Variants in CNTN1 observed in about 807,000 individuals in gnomAD.
CNTN1 encodes the protein contactin 1, also known as contactin-1.
CNTN1 carries 38 observed loss-of-function variants against 126.4 expected under a neutral mutation model. The ratio of observed to expected loss-of-function variants is 0.30; its 90% CI spans 0.23 to 0.39. CNTN1 has a LOEUF of 0.39. Ranked by LOEUF, CNTN1 falls within the 10% of genes least tolerant of loss-of-function variation. CNTN1 has a pLI of 1.00. For missense variants in CNTN1, 1,009 were observed against 1,248.4 expected (o/e 0.81, Z 2.89); for synonymous variants, 413 against 422.6 (o/e 0.98, Z 0.28).
intron 1 of CNTN1, among the ~76,000 whole-genome samples, chr12:40,712,968 G>A (rs980952250): frequency 6.6e-5 from 10 of 151,858 alleles, no homozygotes; most frequent in African/African-American, 2.4e-4. Context: ...ATGAGAGCTG[G>A]TTGTTAAAAA....
chr12:40,993,245 A>G lies in CNTN1; in HGVS notation c.2089A>G (p.Asn697Asp). 1 of 1,613,814 alleles carries G rather than the reference A, an allele frequency of 6.2e-7. No homozygotes were observed. The highest frequency in any genetic ancestry group is 2.2e-5 in the East Asian group (1 of 44,850). ...TAGAGGAGAGCCCAGTATACCATCT[A>G]ACAGAATTAAAACAGACGGTGCTGG... is the stretch of plus-strand genomic sequence containing the variant. The part of the protein sequence containing the change: ...LGRGEPSIPS[N>D]RIKTDGAAPN... Residue 697 changes from asparagine to aspartate, a missense_variant, in exon 17 of 24, where the codon AAC becomes GAC. Physicochemically the swap from Asn to Asp is conservative, Grantham distance 23. Coordinates refer to ENST00000551295, the MANE Select transcript of CNTN1 (RefSeq NM_001843.4).
chr12:41,010,147 A>T (rs1161298131), intron 17 of CNTN1, among the ~76,000 whole-genome samples: 6 of 152,030 alleles, frequency 3.9e-5, no homozygotes, highest in Non-Finnish European at 5.9e-5. Flanking sequence ...TCACAAGGAG[A>T]TCTACCTTCC....
rs548618390 is a variant in CNTN1, at chr12:40,911,115, C to G, written c.94+1010C>G. ...TTTATTTTTGAGATGGAGTCTCGCT[C>G]TGTCACCCAGGCTGGAGTGCAGCGG... On this transcript the variant is annotated intron_variant, in intron 3 of 23. Coordinates refer to ENST00000551295, the MANE Select transcript of CNTN1 (RefSeq NM_001843.4). Among the ~76,000 whole-genome samples, 51 of 152,274 alleles carry G rather than the reference C, an allele frequency of 3.3e-4. 1 individual carries two copies. Among genetic ancestry groups the G allele is most frequent in the African/African-American group, 1.2e-3 (48 of 41,562 alleles).
chr12:41,037,938 A>G (rs1003712942), intron 23 of CNTN1, among the ~76,000 whole-genome samples: 8 of 152,134 alleles, frequency 5.3e-5, no homozygotes, highest in African/African-American at 1.9e-4. Flanking sequence ...TGGGTGGATA[A>G]CTTGAGGCCA....
chr12:41,013,695 A>G (rs1397318194), intron 17 of CNTN1, among the ~76,000 whole-genome samples: 4 of 152,216 alleles, frequency 2.6e-5, no homozygotes, highest in African/African-American at 7.2e-5. Context: ...ACAAGATGAT[A>G]TAAGAGAACG....
At chr12:40,924,754 T>C in intron 6 of CNTN1, 102 bp downstream of exon 6, 1 of 712,522 alleles carries the variant, frequency 1.4e-6, no homozygotes, top group Non-Finnish European at 2.6e-6. Context: ...CATGGCTTAT[T>C]ATTAATTAAA....
intron 16 of CNTN1, among the ~76,000 whole-genome samples, chr12:40,992,215 G>A (rs1466741254): frequency 6.6e-6 from 1 of 152,170 alleles, no homozygotes; most frequent in Non-Finnish European, 1.5e-5. Context: ...GACAGTCTGA[G>A]CCATGCGAGA....
At chr12:40,900,890 G>C (rs976615310) in intron 1 of CNTN1, among the ~76,000 whole-genome samples, 1 of 152,146 alleles carries the variant, frequency 6.6e-6, no homozygotes, top group Admixed American at 6.5e-5. Flanking sequence ...AGTAGGAGTT[G>C]CAAAGGATGA....
intron 16 of CNTN1, among the ~76,000 whole-genome samples, chr12:40,992,111 A>G (rs1458147038): frequency 6.6e-6 from 1 of 152,224 alleles, no homozygotes; most frequent in Admixed American, 6.5e-5. Flanking sequence ...TCAAAAATAT[A>G]TGTCAAATCT....
In CNTN1 at chr12:40,910,023, A is replaced by C. The variant is rs2304819; in HGVS notation, c.62-50A>C. ...CTATTTAAGTAATGTTTGAAACCAC[A>C]ATTCAAATAATTGCTTCAGGATCAA... On this transcript the variant is annotated intron_variant, in intron 2 of 23. Transcript: ENST00000551295. The C allele has an allele frequency of 0.29, 392,444 of 1,376,668 alleles. 58,353 individuals are homozygous for C. The highest frequency in any genetic ancestry group is 0.32 in the South Asian group (27,603 of 86,106). 85.3% of individuals were successfully genotyped at this position (1,376,668 alleles called of 1,614,324 possible).
chr12:40,821,915 C>CT (rs142090013), intron 1 of CNTN1, among the ~76,000 whole-genome samples: 1,981 of 151,622 alleles, frequency 0.013, 42 homozygotes, highest in African/African-American at 0.045. Flanking sequence ...ATTTTCCTCA[C>CT]TTTTAAAATA....
At chr12:40,807,653 T>G (rs1940910258) in intron 1 of CNTN1, among the ~76,000 whole-genome samples, 2 of 152,176 alleles carry the variant, frequency 1.3e-5, no homozygotes, top group Admixed American at 1.3e-4. Flanking sequence ...TCTCAGAGCC[T>G]GTCAGAACCT....
chr12:40,892,898 T>A (rs1461099847), intron 1 of CNTN1, among the ~76,000 whole-genome samples: 1 of 139,640 alleles, frequency 7.2e-6, no homozygotes, highest in Non-Finnish European at 1.5e-5. Context: ...TACAAATTCT[T>A]CCCCGAAATT....
At chr12:40,934,210 A>G (rs991562287) in intron 9 of CNTN1, among the ~76,000 whole-genome samples, 2 of 151,954 alleles carry the variant, frequency 1.3e-5, no homozygotes, top group Non-Finnish European at 2.9e-5. Context: ...AGAAGAAGCT[A>G]TGTGTTATGA....
rs930259542 is a variant in CNTN1 at position 40,903,510 on chromosome 12, G to A, written c.-76-4847G>A. Among the ~76,000 whole-genome samples the A allele has an allele frequency of 3.3e-5, 5 of 151,522 alleles. No individual in the cohort carries two copies. The East Asian group carries it at 9.7e-4, about 29-fold the overall frequency. ...CCTCAAGAGAGAAGTAGTAGGGGCA[G>A]TTTCTTCCACATTAGTAGGATGGGC... On this transcript the variant is annotated intron_variant, in intron 1 of 23. Transcript: ENST00000551295.
At chr12:40,812,090 T>C (rs1019079788) in intron 1 of CNTN1, among the ~76,000 whole-genome samples, 7 of 152,058 alleles carry the variant, frequency 4.6e-5, no homozygotes, top group African/African-American at 1.7e-4. Flanking sequence ...TATGTTGTGT[T>C]TTCATTTTTG....
At chr12:40,991,260 GT>G (rs1477695271) in intron 16 of CNTN1, among the ~76,000 whole-genome samples, 1 of 151,802 alleles carries the variant, frequency 6.6e-6, no homozygotes, top group Non-Finnish European at 1.5e-5. Flanking sequence ...GCTCTTCTAG[GT>G]GTGACTCTTC....
intron 1 of CNTN1, among the ~76,000 whole-genome samples, chr12:40,890,143 G>A (rs1421116922): frequency 4.6e-5 from 7 of 152,078 alleles, no homozygotes; most frequent in Non-Finnish European, 1.0e-4. Context: ...CCTTTCCTGT[G>A]ACTCCCCACT....
At chr12:40,971,654 T>C (rs1947516437) in intron 15 of CNTN1, 3 of 1,463,860 alleles carry the variant, frequency 2.0e-6, no homozygotes, top group Admixed American at 5.8e-5. Flanking sequence ...TTTTGAAACA[T>C]GTAAACATAC....
Sources: allele counts gnomAD v4.1 joint callset (sites outside exome capture counted in the v4.1 genomes callset), GRCh38; gene constraint gnomAD v4.1.1; transcripts MANE v1.5; gene names NCBI Gene and HGNC (gene_info 2026-07-23, HGNC 2026-07-21).